Variants in OCM observed in about 807,000 individuals in gnomAD.
OCM encodes the protein oncomodulin.
A neutral mutation model predicts 14.1 loss-of-function variants in OCM; 18 were observed. The observed-to-expected ratio is 1.28, with a 90% CI of 0.88 to 1.89. The LOEUF (loss-of-function observed/expected upper bound fraction) is 1.89, where lower values mean the gene tolerates loss of function less well. Among genes scored for constraint, OCM ranks in the 40% most tolerant of loss-of-function variants. The pLI is 0.00. For synonymous variants in OCM, 48 were observed against 51.0 expected (o/e 0.94, Z 0.25); for missense variants, 140 against 137.6 (o/e 1.02, Z -0.09).
chr7:5,884,576 T>C (rs1781295002), intron 3 of OCM, among the ~76,000 whole-genome samples: 1 of 152,154 alleles, frequency 6.6e-6, no homozygotes. Flanking sequence ...AGCACAGCTG[T>C]AGGACTATTT....
At chr7:5,866,722 G>A in the OCM span, among the ~76,000 whole-genome samples, 40 of 152,204 alleles carry the variant, frequency 2.6e-4, no homozygotes, top group African/African-American at 7.7e-4. Context: ...GATATGTGGT[G>A]GATACATATT....
In OCM at chr7:5,884,066, G is replaced by T. The variant is rs1383323458; in HGVS notation, c.304+67G>T. ...GGAAGCATCCGTGAGGGCTTGGGCT[G>T]TGAGATCAAACCAATGTGGCTTAAA... On this transcript the variant is annotated intron_variant, in intron 3 of 3. Coordinates refer to ENST00000242104, the MANE Select transcript of OCM (RefSeq NM_001097622.2). 8 of 1,588,994 alleles carry T rather than the reference G, an allele frequency of 5.0e-6. No homozygotes were observed. In the African/African-American group the frequency reaches 9.4e-5, roughly 19 times the overall value.
chr7:5,869,037 TG>T, the OCM span, among the ~76,000 whole-genome samples: 2 of 151,972 alleles, frequency 1.3e-5, no homozygotes, highest in African/African-American at 4.8e-5. Flanking sequence ...TACTCCAGCC[TG>T]GGCAACAGAG....
the OCM span, among the ~76,000 whole-genome samples, chr7:5,871,181 C>A: frequency 9.3e-5 from 14 of 150,356 alleles, no homozygotes; most frequent in Admixed American, 4.6e-4. Flanking sequence ...AGCCCCCCCC[C>A]CGTCTCTACA....
At chr7:5,872,417 T>G in the OCM span, among the ~76,000 whole-genome samples, 3 of 152,054 alleles carry the variant, frequency 2.0e-5, no homozygotes, top group African/African-American at 7.2e-5. Context: ...AGTCTGTGAG[T>G]GGGAAAGGAA....
the OCM span, among the ~76,000 whole-genome samples, chr7:5,869,235 G>A: frequency 6.6e-6 from 1 of 152,138 alleles, no homozygotes; most frequent in Non-Finnish European, 1.5e-5. Context: ...GGGGTGCCAG[G>A]CCCTCCTAGA....
the OCM span, among the ~76,000 whole-genome samples, chr7:5,861,421 T>TA: frequency 0.018 from 2,535 of 141,570 alleles, 60 homozygotes; most frequent in African/African-American, 0.056. Flanking sequence ...AATTCTGTCT[T>TA]AAAAAAAAAA....
At chr7:5,864,403 C>T in the OCM span, among the ~76,000 whole-genome samples, 9,698 of 151,682 alleles carry the variant, frequency 0.064, 662 homozygotes, top group East Asian at 0.27. Context: ...CAGTGGCTTC[C>T]AGTTCAGAAG....
the OCM span, among the ~76,000 whole-genome samples, chr7:5,860,572 TATATATTAC>T: frequency 3.2e-5 from 3 of 92,588 alleles, no homozygotes; most frequent in Admixed American, 1.1e-4. Flanking sequence ...TACGTGTGTA[TATATATTAC>T]GTATATATAC....
chr7:5,882,464 G>C lies in OCM; in HGVS notation c.62-29G>C, dbSNP rs753531529. On this transcript the variant is annotated intron_variant, in intron 1 of 3. Transcript: ENST00000242104. The stretch of plus-strand genomic sequence containing the variant: ...CAACATAGAATGTGATCCAACAAGC[G>C]TCAGAATAACCAATTCTCTGTTCTT... The C allele has an allele frequency of 2.5e-6, 4 of 1,599,538 alleles. No homozygotes were observed. The African/African-American group carries it at 5.4e-5, about 21-fold the overall frequency.
At position 5,884,009 on chromosome 7, in the gene OCM, C is replaced by G; in HGVS notation, c.304+10C>G. 1.2e-6 allele frequency: 2 copies of G among 1,611,672 alleles called. No individual in the cohort carries two copies. The highest frequency in any genetic ancestry group is 1.7e-6 in the Non-Finnish European group (2 of 1,178,722). ...AAAATTGGAGCAGAGGGTATGTCCA[C>G]ACGTGTACGTAGCATAAAACACTCT... On this transcript the variant is annotated intron_variant, in intron 3 of 3. Transcript: ENST00000242104.
chr7:5,870,047 T>A, the OCM span, among the ~76,000 whole-genome samples: 1 of 137,150 alleles, frequency 7.3e-6, no homozygotes, highest in Non-Finnish European at 1.6e-5. Context: ...TTTTCTTCGT[T>A]ATTATATATT....
chr7:5,878,991 G>A (rs1781154757), upstream of OCM, among the ~76,000 whole-genome samples: 2 of 151,662 alleles, frequency 1.3e-5, no homozygotes, highest in South Asian at 2.1e-4. Context: ...GACCAGCCTA[G>A]GCAACATGGC....
upstream of OCM, chr7:5,879,948 A>G (rs960034897): frequency 6.6e-6 from 1 of 152,042 alleles, no homozygotes; most frequent in African/African-American, 2.4e-5. Flanking sequence ...TCCTGGGGGG[A>G]AACCGAAAAC....
At position 5,882,552 on chromosome 7, in the gene OCM, G is replaced by C. The variant is rs377076333; in HGVS notation, c.121G>C (p.Ala41Pro). ...FQTSGLSKMS[A>P]NQVKDVFRFI... ...GACATCAGGCCTCTCCAAGATGTCA[G>C]CCAATCAGGTGAAGGATGTTTTCCG... The change falls in exon 2 of 4, where the codon GCC becomes CCC. Residue 41 changes from alanine (A) to proline (P), a missense_variant. By Grantham distance (27) the Ala-to-Pro change is conservative. Transcript: ENST00000242104. 1.4e-5 allele frequency: 23 copies of C among 1,614,034 alleles called. 1 individual carries two copies. In the African/African-American group the frequency reaches 2.8e-4, roughly 20 times the overall value.
intron 1 of OCM, among the ~76,000 whole-genome samples, chr7:5,882,233 G>C (rs1447110001): frequency 6.6e-6 from 1 of 152,008 alleles, no homozygotes; most frequent in Non-Finnish European, 1.5e-5. Flanking sequence ...CAGGGGGAGG[G>C]GGAGGCACAG....
the OCM span, among the ~76,000 whole-genome samples, chr7:5,874,063 A>T: frequency 1.4e-5 from 2 of 144,758 alleles, no homozygotes; most frequent in Non-Finnish European, 3.0e-5. Context: ...TAAAAATAAA[A>T]AAAAAAAAAA....
intron 3 of OCM, 90 bp from the exon 4 acceptor site, chr7:5,885,974 C>T: frequency 6.4e-7 from 1 of 1,567,572 alleles, no homozygotes; most frequent in Non-Finnish European, 8.8e-7. Flanking sequence ...TCTTTGCTTC[C>T]TTCCCTCTTT....
chr7:5,859,842 C>T, the OCM span, among the ~76,000 whole-genome samples: 6 of 151,868 alleles, frequency 4.0e-5, no homozygotes, highest in Non-Finnish European at 8.8e-5. Flanking sequence ...GGATTACAGG[C>T]GCCCGCCTAT....
Sources: allele counts gnomAD v4.1 joint callset (sites outside exome capture counted in the v4.1 genomes callset), GRCh38; gene constraint gnomAD v4.1.1; transcripts MANE v1.5; gene names NCBI Gene and HGNC (gene_info 2026-07-23, HGNC 2026-07-21).